The following NALCN variants were observed in gnomAD, a reference collection of about 807,000 sequenced individuals.
NALCN encodes the protein sodium leak channel, non-selective.
Under a neutral mutation model 225.3 loss-of-function variants are expected in NALCN, and 111 were observed. That is an observed-to-expected ratio of 0.49 (90% CI 0.42 to 0.58). The LOEUF is 0.58. Among genes scored for constraint, NALCN ranks in the 20% least tolerant of loss-of-function variants. NALCN has a pLI of 0.00. For synonymous variants in NALCN, 764 were observed against 769.0 expected (o/e 0.99, Z 0.11); for missense variants, 1,378 against 2,202.4 (o/e 0.63, Z 7.49).
intron 7 of NALCN, among the ~76,000 whole-genome samples, chr13:101,302,756 G>C (rs998410774): frequency 3.9e-5 from 6 of 152,052 alleles, no homozygotes; most frequent in African/African-American, 1.4e-4. Context: ...AAATTGTTCT[G>C]TCTTATAACT....
chr13:101,116,890 T>C (rs764209806), intron 18 of NALCN: 11 of 491,652 alleles, frequency 2.2e-5, no homozygotes, highest in Non-Finnish European at 4.1e-5. Flanking sequence ...AGAGAATAGA[T>C]AATGAGTATT....
At chr13:101,139,810 A>T (rs981291604) in intron 17 of NALCN, among the ~76,000 whole-genome samples, 1 of 152,210 alleles carries the variant, frequency 6.6e-6, no homozygotes, top group Admixed American at 6.5e-5. Flanking sequence ...CGGGTTTCTT[A>T]ATAAAAATGA....
intron 7 of NALCN, among the ~76,000 whole-genome samples, chr13:101,325,205 A>G (rs2044900490): frequency 6.6e-6 from 1 of 152,190 alleles, no homozygotes; most frequent in South Asian, 2.1e-4. Flanking sequence ...GACTTTATGA[A>G]ATATCTCAAA....
At chr13:101,361,273 T>G (rs961301237) in intron 6 of NALCN, among the ~76,000 whole-genome samples, 9 of 152,184 alleles carry the variant, frequency 5.9e-5, no homozygotes, top group African/African-American at 2.2e-4. Flanking sequence ...AAATATCGAT[T>G]CTGTGGAGGC....
intron 6 of NALCN, among the ~76,000 whole-genome samples, chr13:101,371,129 T>C (rs1444834058): frequency 1.3e-5 from 2 of 152,228 alleles, no homozygotes; most frequent in African/African-American, 4.8e-5. Flanking sequence ...TATATGGATA[T>C]ACCATCATTA....
intron 13 of NALCN, among the ~76,000 whole-genome samples, chr13:101,204,622 AAG>A (rs1299878250): frequency 6.6e-6 from 1 of 152,156 alleles, no homozygotes; most frequent in East Asian, 1.9e-4. Flanking sequence ...ATATAATTTC[AAG>A]AGTAAAAGAA....
chr13:101,182,404 A>G (rs980846582), intron 14 of NALCN, among the ~76,000 whole-genome samples: 3 of 152,280 alleles, frequency 2.0e-5, no homozygotes. Flanking sequence ...CCCAAACTTA[A>G]AGAATTAGAA....
At chr13:101,090,336 T>C (rs1175104369) in intron 28 of NALCN, among the ~76,000 whole-genome samples, 1 of 152,194 alleles carries the variant, frequency 6.6e-6, no homozygotes, top group Non-Finnish European at 1.5e-5. Context: ...GATGATTTTA[T>C]CGATTTGCAC....
chr13:101,272,033 T>C (rs1225574196), intron 10 of NALCN, among the ~76,000 whole-genome samples: 1 of 151,698 alleles, frequency 6.6e-6, no homozygotes, highest in Non-Finnish European at 1.5e-5. Flanking sequence ...TGTATGTACA[T>C]GTGAGTTGTG....
At chr13:101,380,239 A>G (rs2046812183) in intron 3 of NALCN, among the ~76,000 whole-genome samples, 1 of 151,936 alleles carries the variant, frequency 6.6e-6, no homozygotes. Context: ...AAGACTAACA[A>G]AAAAAAGTGA....
intron 6 of NALCN, among the ~76,000 whole-genome samples, chr13:101,350,620 A>G (rs2045880847): frequency 6.6e-6 from 1 of 152,032 alleles, no homozygotes; most frequent in African/African-American, 2.4e-5. Flanking sequence ...AGCGTCTATG[A>G]TAGTTAAATT....
chr13:101,171,457 G>A (rs2038716513), intron 15 of NALCN, among the ~76,000 whole-genome samples: 1 of 151,288 alleles, frequency 6.6e-6, no homozygotes, highest in Non-Finnish European at 1.5e-5. Context: ...TTTTTTCCGA[G>A]GTCTCTGTAT....
At chr13:101,162,488 A>G (rs1218815465) in intron 15 of NALCN, among the ~76,000 whole-genome samples, 1 of 152,222 alleles carries the variant, frequency 6.6e-6, no homozygotes, top group Non-Finnish European at 1.5e-5. Context: ...CAGCTCCAGC[A>G]TGTTCCTATT....
At chr13:101,398,567 A>G (rs906354618) in intron 2 of NALCN, among the ~76,000 whole-genome samples, 2 of 152,198 alleles carry the variant, frequency 1.3e-5, no homozygotes, top group African/African-American at 4.8e-5. Context: ...AGTTCTTCAG[A>G]GATACCATCC....
intron 14 of NALCN, among the ~76,000 whole-genome samples, chr13:101,186,204 T>C (rs990790162): frequency 3.3e-5 from 5 of 152,220 alleles, no homozygotes; most frequent in African/African-American, 1.2e-4. Context: ...ATTGATCACA[T>C]AGCAAGTAGC....
chr13:101,345,604 G>A (rs1321656348), intron 6 of NALCN, among the ~76,000 whole-genome samples, 184 bp from the exon 7 acceptor site: 1 of 151,354 alleles, frequency 6.6e-6, no homozygotes, highest in East Asian at 1.9e-4. Flanking sequence ...GTTCGAGGTT[G>A]CAGTGAACTA....
At chr13:101,198,835 T>C (rs1488957534) in intron 13 of NALCN, among the ~76,000 whole-genome samples, 2 of 152,194 alleles carry the variant, frequency 1.3e-5, no homozygotes, top group Non-Finnish European at 2.9e-5. Flanking sequence ...TAAAGACACA[T>C]GCATATGTAT....
intron 13 of NALCN, among the ~76,000 whole-genome samples, chr13:101,192,858 C>T (rs1322974556): frequency 6.6e-6 from 1 of 152,108 alleles, no homozygotes; most frequent in Non-Finnish European, 1.5e-5. Flanking sequence ...TCAATAAATA[C>T]TTTTTAATGA....
At chr13:101,335,339 A>C (rs2045343719) in intron 7 of NALCN, among the ~76,000 whole-genome samples, 1 of 152,150 alleles carries the variant, frequency 6.6e-6, no homozygotes, top group Non-Finnish European at 1.5e-5. Flanking sequence ...GCCCTATTTG[A>C]GAACCTGAGA....
Sources: allele counts gnomAD v4.1 joint callset (sites outside exome capture counted in the v4.1 genomes callset), GRCh38; gene constraint gnomAD v4.1.1; transcripts MANE v1.5; gene names NCBI Gene and HGNC (gene_info 2026-07-23, HGNC 2026-07-21).